The following IFIH1 variants were observed in gnomAD, a reference collection of about 807,000 sequenced individuals.
IFIH1 encodes interferon induced with helicase C domain 1.
IFIH1 carries 125 observed loss-of-function variants against 107.4 expected under a neutral mutation model. The ratio of observed to expected loss-of-function variants is 1.16; its 90% CI spans 1.01 to 1.35. IFIH1 has a LOEUF of 1.35. Among genes scored for constraint, IFIH1 ranks in the 40% most tolerant of loss-of-function variants. The probability of loss-of-function intolerance (pLI) is 0.00; values close to 1 mark genes in which losing one functional copy is unlikely to be tolerated. For synonymous variants in IFIH1, 458 were observed against 413.2 expected, an observed-to-expected ratio of 1.11 and a Z score of -1.31; for missense variants, 1,333 against 1,213.7, an observed-to-expected ratio of 1.10 and a Z score of -1.46.
At chr2:162,299,902 C>T (rs965031373) in intron 3 of IFIH1, among the ~76,000 whole-genome samples, 2 of 152,148 alleles carry the variant, frequency 1.3e-5, no homozygotes, top group African/African-American at 4.8e-5. Flanking sequence ...TGTGCTTTTG[C>T]TCATGATGCC....
At position 162,288,190 on chromosome 2, in the gene IFIH1, AAGTG is replaced by A. The variant is rs1453837385; in HGVS notation, c.1036_1039del (p.His346Ter). The A allele has an allele frequency of 6.2e-7, 1 of 1,612,586 alleles. No individual in the cohort carries two copies. Among genetic ancestry groups the A allele is most frequent in the Non-Finnish European group, 8.5e-7 (1 of 1,179,200 alleles). On this transcript the variant is annotated frameshift_variant, in exon 5 of 16. Coordinates refer to ENST00000649979, the MANE Select transcript of IFIH1 (RefSeq NM_022168.4). LOFTEE classifies it high-confidence loss of function. ...CTCAGATGCTTTTTTCTTCTTGTCT[AAGTG>A]ATCCTTGGCAATGTAAACAGCCACT...
chr2:162,273,915 A>G lies in IFIH1; in HGVS notation c.2334T>C (p.Phe778=), dbSNP rs774912983. 1.2e-6 allele frequency: 2 copies of G among 1,607,964 alleles called. No homozygotes were observed. The highest frequency in any genetic ancestry group is 3.4e-5 in the Admixed American group (2 of 59,650). The change falls in exon 12 of 16, where the codon TTT becomes TTC. Residue 778 remains phenylalanine, a synonymous_variant. Coordinates refer to ENST00000649979, the MANE Select transcript of IFIH1 (RefSeq NM_022168.4). Reference sequence around the variant, plus strand: ...TAAGCAGATTTATTTTTCCAGTGCGAAATTTACTAATGACTTCTTTTTGTT... The same window carrying G: ...TAAGCAGATTTATTTTTCCAGTGCGGAATTTACTAATGACTTCTTTTTGTT... ...QNEQKEVISK[F]RTGKINLLIA...
Position 162,268,159 on chromosome 2 carries a change from A to G in IFIH1, c.2735T>C (p.Val912Ala), listed in dbSNP as rs1365143938. Residue 912 changes from valine to alanine, a missense_variant, in exon 14 of 16, where the codon GTG (valine) becomes GCG (alanine). By Grantham distance (64) the Val-to-Ala change is moderately conservative (BLOSUM62 0). Coordinates refer to ENST00000649979, the MANE Select transcript of IFIH1 (RefSeq NM_022168.4). ...GATATCTTCCCCAGAACAGGCTAGCACACTGCAGTTTTTGCAAAGGAAAGT... is the reference window on the plus strand; with the variant it reads ...GATATCTTCCCCAGAACAGGCTAGCGCACTGCAGTTTTTGCAAAGGAAAGT... ...LITFLCKNCS[V>A]LACSGEDIHV... 1.9e-6 allele frequency: 3 copies of G among 1,613,948 alleles called. No individual in the cohort carries two copies. The highest frequency in any genetic ancestry group is 2.2e-5 in the South Asian group (2 of 91,062).
chr2:162,306,638 A>T, intron 3 of IFIH1, 71 bp downstream of exon 3: 1 of 1,183,428 alleles, frequency 8.5e-7, no homozygotes, highest in Non-Finnish European at 1.2e-6. Flanking sequence ...CCTCTGATTA[A>T]TAGGTTCTGC....
In IFIH1 at chr2:162,267,489, T is replaced by C. The variant is rs1452219690; in HGVS notation, c.2888A>G (p.Lys963Arg). Residue 963 changes from lysine (K) to arginine (R), a missense_variant, in exon 15 of 16, where the codon AAA (lysine) becomes AGA (arginine). Lys to Arg is a conservative substitution (Grantham distance 26). Transcript: ENST00000649979. ...CAGCAATTTACTCACCTGGCCACAT[T>C]TGCAGATGATTTCACCATTTATTTG... ...DYQINGEIIC[K>R]CGQAWGTMMV... is the part of the protein sequence containing the mutation. 6.2e-7 allele frequency: 1 copy of C among 1,613,724 alleles called. No individual in the cohort carries two copies. Among genetic ancestry groups the C allele is most frequent in the African/African-American group, 1.3e-5 (1 of 74,940 alleles).
intron 1 of IFIH1, among the ~76,000 whole-genome samples, chr2:162,314,659 T>G (rs1190880124): frequency 6.6e-6 from 1 of 151,740 alleles, no homozygotes; most frequent in Non-Finnish European, 1.5e-5. Context: ...AGCTAATTTT[T>G]TTGTATTTTT....
intron 13 of IFIH1, among the ~76,000 whole-genome samples, chr2:162,268,648 G>A (rs776644418): frequency 6.6e-6 from 1 of 151,956 alleles, no homozygotes; most frequent in Non-Finnish European, 1.5e-5. Context: ...GGAGTGTGTT[G>A]GTACTATCTC....
chr2:162,287,759 G>C (rs1334063527), intron 5 of IFIH1, among the ~76,000 whole-genome samples: 2 of 151,810 alleles, frequency 1.3e-5, no homozygotes, highest in Non-Finnish European at 2.9e-5. Context: ...GTGATATTTT[G>C]GGGTCATTCA....
intron 4 of IFIH1, among the ~76,000 whole-genome samples, chr2:162,293,204 T>C (rs985953421): frequency 6.6e-6 from 1 of 151,968 alleles, no homozygotes; most frequent in South Asian, 2.1e-4. Flanking sequence ...AGTATTTTAA[T>C]TTAAAAAGTA....
rs1463635016 is a variant in IFIH1, at chr2:162,306,811, G to A, written c.667C>T (p.Gln223Ter). Residue 223 changes from glutamine (Q) to a stop codon, truncating the protein, a stop_gained, in exon 3 of 16, where the codon CAA (glutamine) becomes TAA (stop). Transcript: ENST00000649979. LOFTEE classifies it high-confidence loss of function. ...SQVDGPQVEE[Q>*]LLSTTVQPNL... ...GGCTGAACTGTGGTTGAAAGAAGTT[G>A]CTCTTCCACTTGAGGACCATCAACT... 2.5e-6 allele frequency: 4 copies of A among 1,613,794 alleles called. No homozygotes were observed. The East Asian group carries it at 8.9e-5, about 36-fold the overall frequency.
chr2:162,298,148 C>T (rs1193750848), intron 3 of IFIH1, among the ~76,000 whole-genome samples: 2 of 152,104 alleles, frequency 1.3e-5, no homozygotes, highest in East Asian at 3.9e-4. Flanking sequence ...GCTAACATGG[C>T]AAGTAGTGGA....
At position 162,282,417 on chromosome 2, in the gene IFIH1, T is replaced by C; in HGVS notation, c.1255A>G (p.Asn419Asp). The change falls in exon 6 of 16, where the codon AAC (asparagine) becomes GAC (aspartate). Residue 419 changes from asparagine (N) to aspartate (D), a missense_variant. Coordinates refer to ENST00000649979, the MANE Select transcript of IFIH1 (RefSeq NM_022168.4). Reference protein sequence around the residue: ...IIISTAQILENSLLNLENGED... With the variant: ...IIISTAQILEDSLLNLENGED... The stretch of plus-strand genomic sequence containing the variant: ...CCATTTTCCAAGTTTAAGAGGGAGT[T>C]TTCAAGGATTTGAGCTGTACTGATA... The C allele has an allele frequency of 1.9e-6, 3 of 1,611,744 alleles. No individual in the cohort carries two copies. Among genetic ancestry groups the C allele is most frequent in the Non-Finnish European group, 2.5e-6 (3 of 1,178,604 alleles).
intron 5 of IFIH1, among the ~76,000 whole-genome samples, chr2:162,284,101 G>T (rs1176969995): frequency 2.0e-5 from 3 of 151,762 alleles, no homozygotes; most frequent in Admixed American, 6.6e-5. Flanking sequence ...GACAATCTCT[G>T]GGGGGCAGAG....
chr2:162,303,817 C>T (rs563235343), intron 3 of IFIH1, among the ~76,000 whole-genome samples: 1 of 152,262 alleles, frequency 6.6e-6, no homozygotes, highest in African/African-American at 2.4e-5. Flanking sequence ...AGCAGATTAA[C>T]TACAAGCTAA....
Position 162,318,476 on chromosome 2 carries a change from G to A in IFIH1, c.-169C>T. On this transcript the variant is annotated 5_prime_UTR_variant, in exon 1 of 16. Coordinates refer to ENST00000649979, the MANE Select transcript of IFIH1 (RefSeq NM_022168.4). Reference sequence around the variant, plus strand: ...CCACAGGGCTCTCAGGCCGGCGCGCGGGGCTGCACTCGCACCTGGGCAGGT... The same window carrying A: ...CCACAGGGCTCTCAGGCCGGCGCGCAGGGCTGCACTCGCACCTGGGCAGGT... 2 of 590,924 alleles carry A rather than the reference G, an allele frequency of 3.4e-6. No homozygotes were observed. The highest frequency in any genetic ancestry group is 3.0e-5 in the East Asian group (1 of 33,440). The allele number at this position is 590,924 out of a possible 1,614,324, so 36.6% of individuals were successfully genotyped here.
Position 162,293,549 on chromosome 2 carries a change from A to T in IFIH1, c.874+15T>A. The stretch of plus-strand genomic sequence containing the variant: ...TTTCACACTTTTTAAGGTTTACACA[A>T]CAGTTAGGCAGTACCTGAATCACTT... On this transcript the variant is annotated intron_variant, in intron 4 of 15. Coordinates refer to ENST00000649979, the MANE Select transcript of IFIH1 (RefSeq NM_022168.4). 1 of 1,549,634 alleles carries T rather than the reference A, an allele frequency of 6.5e-7. No homozygotes were observed. Among genetic ancestry groups the T allele is most frequent in the Non-Finnish European group, 8.9e-7 (1 of 1,123,978 alleles).
chr2:162,315,209 T>A (rs751510729), intron 1 of IFIH1, among the ~76,000 whole-genome samples: 2 of 152,216 alleles, frequency 1.3e-5, no homozygotes, highest in Non-Finnish European at 2.9e-5. Flanking sequence ...TCATCATTCA[T>A]CCATTCTCTA....
Position 162,281,490 on chromosome 2 carries a change from A to C in IFIH1, c.1362T>G (p.Tyr454Ter). 2.5e-6 allele frequency: 4 copies of C among 1,612,004 alleles called. No homozygotes were observed. The highest frequency in any genetic ancestry group is 3.4e-6 in the Non-Finnish European group (4 of 1,178,714). The change falls in exon 7 of 16, where the codon TAT becomes TAG. Residue 454 changes from tyrosine (Y) to a stop codon, truncating the protein, a stop_gained. Transcript: ENST00000649979. LOFTEE classifies it high-confidence loss of function. The part of the protein sequence containing the change: ...ECHHTNKEAV[Y>*]NNIMRHYLMQ... ...TCAAATAATGCCTCATGATGTTATT[A>C]TACACTGCTTCTTTGTTGGTGTGAT... is the stretch of plus-strand genomic sequence containing the variant.
At chr2:162,270,711 AG>A (rs1414770120) in intron 13 of IFIH1, among the ~76,000 whole-genome samples, 1 of 152,194 alleles carries the variant, frequency 6.6e-6, no homozygotes, top group Non-Finnish European at 1.5e-5. Flanking sequence ...TTAAAACATC[AG>A]TCTTTGTAAA....
Sources: gnomAD v4.1 joint callset for allele counts (sites outside exome capture counted in the v4.1 genomes callset) on GRCh38, gnomAD v4.1.1 for gene constraint, MANE v1.5 for transcripts, NCBI Gene and HGNC (gene_info 2026-07-23, HGNC 2026-07-21) for gene names.